SCARF2: variants seen among roughly 807,000 people sequenced by gnomAD.
SCARF2 encodes scavenger receptor expressed by endothelial cells 2 protein.
In SCARF2, 39 loss-of-function variants were observed where a neutral mutation model predicts 73.4. That is an observed-to-expected ratio of 0.53 (90% CI 0.41 to 0.69). SCARF2 has a LOEUF of 0.69. Among genes scored for constraint, SCARF2 ranks in the 30% least tolerant of loss-of-function variants. SCARF2 has a pLI of 0.00. For missense variants in SCARF2, 1,148 were observed against 1,303.5 expected, an observed-to-expected ratio of 0.88 and a Z score of 1.84; for synonymous variants, 605 against 590.0, an observed-to-expected ratio of 1.03 and a Z score of -0.37.
intron 10 of SCARF2, 81 bp downstream of exon 10, chr22:20,427,314 TCTC>T (rs1342366999): frequency 2.0e-6 from 3 of 1,537,516 alleles, no homozygotes; most frequent in African/African-American, 1.4e-5. Flanking sequence ...TGCCTGCCCT[TCTC>T]CTGTGTCCCA....
Position 20,431,855 on chromosome 22 carries a change from G to T in SCARF2, c.233-9C>A, listed in dbSNP as rs751121637. ...GTTGCCTTCGCACACCGCTGTGGAC[G>T]AGACAGGCCAGAGCTGCTGCGCGTC... On this transcript the variant is annotated splice_polypyrimidine_tract_variant and intron_variant, in intron 2 of 10. Transcript: ENST00000622235. The T allele has an allele frequency of 6.3e-7, 1 of 1,597,402 alleles. No homozygotes were observed. The highest frequency in any genetic ancestry group is 8.5e-7 in the Non-Finnish European group (1 of 1,172,960).
At position 20,425,274 on chromosome 22, in the gene SCARF2, C is replaced by T. The variant is rs916638191; in HGVS notation, c.*101G>A. The T allele has an allele frequency of 1.3e-5, 14 of 1,046,816 alleles. No individual in the cohort carries two copies. The highest frequency in any genetic ancestry group is 5.4e-5 in the South Asian group (2 of 37,020). 64.8% of individuals were successfully genotyped at this position (1,046,816 alleles called of 1,614,324 possible). A position where few individuals can be genotyped will look rare whatever the true frequency, so the allele number is the denominator to read the frequency against. Reference sequence around the variant, plus strand: ...CAACCTCCGCTAGCCGCGCGGTGCCCGGCCAATAGGAGGCCGCCCGTGCCC... The same window carrying T: ...CAACCTCCGCTAGCCGCGCGGTGCCTGGCCAATAGGAGGCCGCCCGTGCCC... On this transcript the variant is annotated 3_prime_UTR_variant, in exon 11 of 11. Coordinates refer to ENST00000622235, the MANE Select transcript of SCARF2 (RefSeq NM_182895.5). This position sits in a 1 kb window ranked among gnomAD's most constrained non-coding sequence, Gnocchi z 4.6.
chr22:20,431,655 G>A, intron 3 of SCARF2, 90 bp downstream of exon 3: 2 of 1,538,682 alleles, frequency 1.3e-6, no homozygotes, highest in Non-Finnish European at 1.8e-6. Flanking sequence ...CCGCCCCGAA[G>A]GCGGATCCGA....
chr22:20,426,264 C>T lies in SCARF2; in HGVS notation c.1712G>A (p.Arg571Gln), dbSNP rs1254231518. 2.6e-6 allele frequency: 4 copies of T among 1,534,704 alleles called. No homozygotes were observed. Among genetic ancestry groups the T allele is most frequent in the East Asian group, 2.4e-5 (1 of 41,188 alleles). Residue 571 changes from arginine to glutamine, a missense_variant, in exon 11 of 11, where the codon CGG becomes CAG. Around this residue, in one of 5 missense-constraint regions of SCARF2, gnomAD observed 437 missense variants for 433.6 expected, o/e 1.01. Coordinates refer to ENST00000622235, the MANE Select transcript of SCARF2 (RefSeq NM_182895.5). ...AGGGACAGTGGGGACTTCGGGGTCCCGGCTCTCCGCTGGTGCCTCTGGCAA... is the reference window on the plus strand; with the variant it reads ...AGGGACAGTGGGGACTTCGGGGTCCTGGCTCTCCGCTGGTGCCTCTGGCAA... ...VPHEEAPAES[R>Q]DPEVPTVPAE...
chr22:20,435,560 G>C (rs1341092929), intron 1 of SCARF2, among the ~76,000 whole-genome samples: 2 of 152,102 alleles, frequency 1.3e-5, no homozygotes, highest in African/African-American at 2.4e-5. Flanking sequence ...CAGCTCCTCC[G>C]CCAGCCCCTC....
In SCARF2 at chr22:20,430,764, T is replaced by C. The variant is rs770644594; in HGVS notation, c.999A>G (p.Pro333=). ...YGEGCSHRCP[P]CRDGHACNHV... ...GGTTACAGGCATGCCCGTCGCGGCA[T>C]GGCGGACAGCGGTGGCTGCAGCCCT... The change falls in exon 5 of 11, where the codon CCA becomes CCG. Residue 333 remains proline (P), a synonymous_variant. Coordinates refer to ENST00000622235, the MANE Select transcript of SCARF2 (RefSeq NM_182895.5). 8 of 1,607,724 alleles carry C rather than the reference T, an allele frequency of 5.0e-6. No homozygotes were observed. In the South Asian group the frequency reaches 7.7e-5, roughly 16 times the overall value.
intron 9 of SCARF2, among the ~76,000 whole-genome samples, chr22:20,428,757 C>T (rs974080517): frequency 2.6e-5 from 4 of 152,176 alleles, no homozygotes; most frequent in Non-Finnish European, 4.4e-5. Flanking sequence ...ACCCCCCTAT[C>T]CTGTTGGTGG....
rs1472765482 is a variant in SCARF2 at position 20,429,847 on chromosome 22, G to A, written c.1203-14C>T. On this transcript the variant is annotated splice_polypyrimidine_tract_variant and intron_variant, in intron 6 of 10. Transcript: ENST00000622235. The surrounding 1 kb of genome is among the most constrained non-coding windows in gnomAD (Gnocchi z 5.2). ...GTCACGTTACAGCTGCCGGGACATA[G>A]GGTCAAGGCATGCCACAGCCGCCCC... 3.7e-6 allele frequency: 6 copies of A among 1,611,266 alleles called. No homozygotes were observed. In the Admixed American group the frequency reaches 1.0e-4, roughly 27 times the overall value.
rs764706585 is a variant in SCARF2, at chr22:20,429,252, G to T, written c.1513C>A (p.Arg505=). 1 of 1,613,926 alleles carries T rather than the reference G, an allele frequency of 6.2e-7. No homozygotes were observed. Among genetic ancestry groups the T allele is most frequent in the Non-Finnish European group, 8.5e-7 (1 of 1,180,030 alleles). ...ACGACTTTGGGTAGTTTCTGCCTCCGGAGCGGGATCCGGGGCAGCTTCATG... is the reference window on the plus strand; with the variant it reads ...ACGACTTTGGGTAGTTTCTGCCTCCTGAGCGGGATCCGGGGCAGCTTCATG... The part of the protein sequence containing the change: ...ISMKLPRIPL[R]RQKLPKVVVA... The change falls in exon 9 of 11, where the codon CGG becomes AGG. Residue 505 remains arginine (R), a synonymous_variant. Coordinates refer to ENST00000622235, the MANE Select transcript of SCARF2 (RefSeq NM_182895.5). This position sits in a 1 kb window ranked among gnomAD's most constrained non-coding sequence, Gnocchi z 5.2.
In SCARF2 at chr22:20,430,832, C is replaced by T. The variant is rs1335979332; in HGVS notation, c.931G>A (p.Gly311Arg). The change falls in exon 5 of 11, where the codon GGA (glycine) becomes AGA (arginine). Residue 311 changes from glycine (G) to arginine (R), a missense_variant. Physicochemically the swap from Gly to Arg is moderately radical, Grantham distance 125. Transcript: ENST00000622235. Reference protein sequence around the residue: ...RCLTCEPGWNGTKCDQPCATG... With the variant: ...RCLTCEPGWNRTKCDQPCATG... Reference sequence around the variant, plus strand: ...GCGCAAGGCTGGTCGCACTTGGTTCCGTTCCAGCCGGGCTCGCACGTCAAG... The same window carrying T: ...GCGCAAGGCTGGTCGCACTTGGTTCTGTTCCAGCCGGGCTCGCACGTCAAG... 2 of 1,607,256 alleles carry T rather than the reference C, an allele frequency of 1.2e-6. No individual in the cohort carries two copies. The highest frequency in any genetic ancestry group is 8.5e-7 in the Non-Finnish European group (1 of 1,178,022).
At position 20,429,867 on chromosome 22, in the gene SCARF2, C is replaced by A. The variant is rs781756163; in HGVS notation, c.1203-34G>T. 1 of 1,603,664 alleles carries A rather than the reference C, an allele frequency of 6.2e-7. No homozygotes were observed. The highest frequency in any genetic ancestry group is 1.1e-5 in the South Asian group (1 of 90,516). On this transcript the variant is annotated intron_variant, in intron 6 of 10. Coordinates refer to ENST00000622235, the MANE Select transcript of SCARF2 (RefSeq NM_182895.5). This position sits in a 1 kb window ranked among gnomAD's most constrained non-coding sequence, Gnocchi z 5.2. The stretch of plus-strand genomic sequence containing the variant: ...ACATAGGGTCAAGGCATGCCACAGC[C>A]GCCCCCCTAGGATGCCCCCTACCCT...
intron 9 of SCARF2, among the ~76,000 whole-genome samples, chr22:20,428,257 C>T (rs1467062310): frequency 9.0e-6 from 1 of 110,614 alleles, no homozygotes; most frequent in Non-Finnish European, 1.7e-5. Context: ...TTCTTCTTTT[C>T]TCTTCTCTTC....
Position 20,429,470 on chromosome 22 carries a change from G to A in SCARF2, c.1424+66C>T. ...GCAGGGGCGCGGAAGGGTTGGATCT[G>A]GGTCCGGTGGCACCCAGAGGGTGCG... On this transcript the variant is annotated intron_variant, in intron 8 of 10. Transcript: ENST00000622235. The surrounding 1 kb of genome is among the most constrained non-coding windows in gnomAD (Gnocchi z 5.2). 3 of 1,594,528 alleles carry A rather than the reference G, an allele frequency of 1.9e-6. No individual in the cohort carries two copies. The highest frequency in any genetic ancestry group is 1.3e-5 in the African/African-American group (1 of 74,588).
chr22:20,427,026 C>T (rs2052586084), intron 10 of SCARF2, among the ~76,000 whole-genome samples: 1 of 152,160 alleles, frequency 6.6e-6, no homozygotes, highest in Non-Finnish European at 1.5e-5. Context: ...GGCAGAATCC[C>T]AGACCATCAG....
intron 1 of SCARF2, among the ~76,000 whole-genome samples, chr22:20,436,529 C>A (rs1452007948): frequency 6.6e-6 from 1 of 151,948 alleles, no homozygotes; most frequent in East Asian, 1.9e-4. Context: ...TGCGCGCCTC[C>A]GGACCAGAGT....
intron 3 of SCARF2, 63 bp downstream of exon 3, chr22:20,431,682 A>T: frequency 3.9e-5 from 21 of 535,714 alleles, no homozygotes; most frequent in Non-Finnish European, 6.3e-5. Context: ...CCCACCTTGG[A>T]CCCCGCCCCA....
At chr22:20,433,029 T>C (rs550896735) in intron 1 of SCARF2, among the ~76,000 whole-genome samples, 1 of 152,196 alleles carries the variant, frequency 6.6e-6, no homozygotes, top group Non-Finnish European at 1.5e-5. Context: ...TTTATGCTGA[T>C]TGTCTTCCAC....
At chr22:20,427,791 A>G (rs934747000) in intron 9 of SCARF2, among the ~76,000 whole-genome samples, 9 of 152,374 alleles carry the variant, frequency 5.9e-5, no homozygotes, top group Middle Eastern at 3.4e-3. Context: ...AAGTGTGTGC[A>G]TCCAGGGAGC....
intron 1 of SCARF2, among the ~76,000 whole-genome samples, chr22:20,435,287 T>C (rs1477177): frequency 0.77 from 117,121 of 152,124 alleles, 46,002 homozygotes; most frequent in African/African-American, 0.92. Context: ...TTCTAAACGA[T>C]ATCTAAAATG....
Sources: allele counts gnomAD v4.1 joint callset (sites outside exome capture counted in the v4.1 genomes callset), GRCh38; gene constraint gnomAD v4.1.1; regional missense constraint gnomAD v4.1.1; non-coding constraint Gnocchi (gnomAD v3.1); transcripts MANE v1.5; gene names NCBI Gene and HGNC (gene_info 2026-07-23, HGNC 2026-07-21).